STXBP5: variants seen among roughly 807,000 people sequenced by gnomAD.
The protein encoded by STXBP5 is syntaxin binding protein 5.
A neutral mutation model predicts 152.4 loss-of-function variants in STXBP5; 50 were observed. That is an observed-to-expected ratio of 0.33 (90% CI 0.26 to 0.42). STXBP5 has a LOEUF of 0.42. Among genes scored for constraint, STXBP5 ranks in the 10% least tolerant of loss-of-function variants. The pLI is 1.00. For missense variants in STXBP5, 1,167 were observed against 1,388.6 expected (o/e 0.84, Z 2.54); for synonymous variants, 492 against 494.7 (o/e 0.99, Z 0.07).
chr6:147,375,645 AG>A (rs1785775885), intron 26 of STXBP5, among the ~76,000 whole-genome samples: 1 of 150,770 alleles, frequency 6.6e-6, no homozygotes, highest in South Asian at 2.1e-4. Flanking sequence ...ATATATATAA[AG>A]AAAGAAGTCA....
In STXBP5 at chr6:147,384,637, A is replaced by G. The variant is rs191923438; in HGVS notation, c.3415-77A>G. Reference sequence around the variant, plus strand: ...ATTGCAGAATGACATAATGTTTTGGAAAAATATAGAAATCACTTATAAATG... The same window carrying G: ...ATTGCAGAATGACATAATGTTTTGGGAAAATATAGAAATCACTTATAAATG... On this transcript the variant is annotated intron_variant, in intron 27 of 27. Coordinates refer to ENST00000321680, the MANE Select transcript of STXBP5 (RefSeq NM_001127715.4). 8.9e-6 allele frequency: 13 copies of G among 1,458,940 alleles called. No individual in the cohort carries two copies. In the Admixed American group the frequency reaches 2.3e-4, roughly 26 times the overall value. 90.4% of individuals were successfully genotyped at this position (1,458,940 alleles called of 1,614,324 possible).
At chr6:147,237,354 G>A (rs1297462764) in intron 3 of STXBP5, among the ~76,000 whole-genome samples, 2 of 151,850 alleles carry the variant, frequency 1.3e-5, no homozygotes, top group African/African-American at 2.4e-5. Context: ...TGACAATTAG[G>A]TGCACCTATT....
chr6:147,304,619 C>T (rs1781996810), intron 9 of STXBP5, among the ~76,000 whole-genome samples: 1 of 152,082 alleles, frequency 6.6e-6, no homozygotes, highest in South Asian at 2.1e-4. Flanking sequence ...ACAGCTTCCA[C>T]CATGCACCTG....
intron 24 of STXBP5, 39 bp from the exon 25 acceptor site, chr6:147,363,962 C>A (rs746806432): frequency 1.3e-6 from 2 of 1,596,112 alleles, no homozygotes. Context: ...AGACTAAAAC[C>A]TACCTTATTA....
intron 2 of STXBP5, among the ~76,000 whole-genome samples, chr6:147,214,659 T>A (rs1442958296): frequency 6.6e-6 from 1 of 152,242 alleles, no homozygotes; most frequent in East Asian, 1.9e-4. Context: ...ATTTCCGCAT[T>A]GCCATTTCTT....
At chr6:147,286,772 A>C (rs887189140) in intron 8 of STXBP5, among the ~76,000 whole-genome samples, 2 of 152,122 alleles carry the variant, frequency 1.3e-5, no homozygotes, top group Non-Finnish European at 2.9e-5. Context: ...ATCATTATAC[A>C]TAAATGAGAT....
At chr6:147,305,587 G>A (rs1051178827) in intron 9 of STXBP5, among the ~76,000 whole-genome samples, 7 of 151,968 alleles carry the variant, frequency 4.6e-5, no homozygotes, top group Admixed American at 4.6e-4. Flanking sequence ...TTTATTTTGT[G>A]TGAAAAATAA....
intron 11 of STXBP5, 35 bp downstream of exon 11, chr6:147,311,562 T>C (rs1205216304): frequency 6.6e-7 from 1 of 1,521,108 alleles, no homozygotes; most frequent in African/African-American, 1.4e-5. Flanking sequence ...ATTCTATCAG[T>C]ATGTGGTTGA....
chr6:147,260,738 A>G lies in STXBP5; in HGVS notation c.555A>G (p.Lys185=). The G allele has an allele frequency of 1.2e-6, 2 of 1,613,378 alleles. No individual in the cohort carries two copies. The highest frequency in any genetic ancestry group is 1.7e-6 in the Non-Finnish European group (2 of 1,179,566). The change falls in exon 5 of 28, where the codon AAA becomes AAG. Residue 185 remains lysine, a synonymous_variant. Transcript: ENST00000321680. ...CAGGCTACGTCATTATGTGGAATAA[A>G]GCCATTGAACTGTGAGTTTGAACAA... is the stretch of plus-strand genomic sequence containing the variant. ...TLSGYVIMWN[K]AIELSSKSHP...
At chr6:147,243,961 A>G (rs1427543775) in intron 4 of STXBP5, among the ~76,000 whole-genome samples, 1 of 152,152 alleles carries the variant, frequency 6.6e-6, no homozygotes, top group Non-Finnish European at 1.5e-5. Context: ...TAGATCAATT[A>G]ATCTATTTGT....
intron 2 of STXBP5, among the ~76,000 whole-genome samples, chr6:147,214,184 A>G (rs1048728262): frequency 6.6e-6 from 1 of 152,198 alleles, no homozygotes; most frequent in Non-Finnish European, 1.5e-5. Flanking sequence ...TCTGATGTTT[A>G]TTAGCAGTAA....
At chr6:147,219,639 G>A (rs745679194) in intron 2 of STXBP5, among the ~76,000 whole-genome samples, 2 of 151,872 alleles carry the variant, frequency 1.3e-5, no homozygotes, top group Non-Finnish European at 2.9e-5. Context: ...GAGTTGGTCG[G>A]TCCATTTCAT....
intron 3 of STXBP5, 117 bp from the exon 4 acceptor site, chr6:147,239,053 A>G (rs1778411271): frequency 2.4e-6 from 2 of 850,962 alleles, no homozygotes; most frequent in Admixed American, 5.7e-5. Context: ...TCTTAGATCT[A>G]AATCTGTTGG....
intron 23 of STXBP5, among the ~76,000 whole-genome samples, chr6:147,362,193 A>G (rs1232856205): frequency 6.6e-6 from 1 of 152,186 alleles, no homozygotes; most frequent in Non-Finnish European, 1.5e-5. Flanking sequence ...TAAAACATAA[A>G]TGCAGAGAGG....
At chr6:147,330,765 C>T (rs1463914011) in intron 18 of STXBP5, among the ~76,000 whole-genome samples, 1 of 152,042 alleles carries the variant, frequency 6.6e-6, no homozygotes, top group Non-Finnish European at 1.5e-5. Context: ...TTTTGTGAAC[C>T]AGACAGGTAG....
chr6:147,313,903 C>CCCTA lies in STXBP5; in HGVS notation c.1168_1171dup (p.Pro391LeufsTer7). Reference sequence around the variant, plus strand: ...TTAAAGATATCCTATATTTGAAAATCCCTACCCTTTGAGTATACATGAGTC... The same window carrying CCCTA: ...TTAAAGATATCCTATATTTGAAAATCCCTACCTACCCTTTGAGTATACATGAGTC... On this transcript the variant is annotated frameshift_variant, in exon 12 of 28. Transcript: ENST00000321680. LOFTEE classifies it high-confidence loss of function. 6.4e-7 allele frequency: 1 copy of CCCTA among 1,560,790 alleles called. No individual in the cohort carries two copies. The highest frequency in any genetic ancestry group is 8.7e-7 in the Non-Finnish European group (1 of 1,144,292).
chr6:147,303,289 TC>T (rs1426536343), intron 9 of STXBP5, among the ~76,000 whole-genome samples: 4 of 152,108 alleles, frequency 2.6e-5, no homozygotes, highest in Non-Finnish European at 1.5e-5. Flanking sequence ...CATGCTATTC[TC>T]ATGATAGAGA....
intron 22 of STXBP5, among the ~76,000 whole-genome samples, chr6:147,356,424 C>T (rs1784817801): frequency 6.6e-6 from 1 of 151,504 alleles, no homozygotes; most frequent in African/African-American, 2.4e-5. Flanking sequence ...ATGTATTTTG[C>T]TAAAATAACT....
chr6:147,339,746 G>C (rs1182492420), intron 21 of STXBP5, among the ~76,000 whole-genome samples: 1 of 151,718 alleles, frequency 6.6e-6, no homozygotes, highest in Non-Finnish European at 1.5e-5. Context: ...CCTTTATTCT[G>C]TCTCTCTCAT....
Sources: allele counts gnomAD v4.1 joint callset (sites outside exome capture counted in the v4.1 genomes callset), GRCh38; gene constraint gnomAD v4.1.1; transcripts MANE v1.5; gene names NCBI Gene and HGNC (gene_info 2026-07-23, HGNC 2026-07-21).